Variants in EIF2B3 observed in about 807,000 individuals in gnomAD.
The protein encoded by EIF2B3 is translation initiation factor eIF2B subunit gamma.
A neutral mutation model predicts 54.1 loss-of-function variants in EIF2B3; 20 were observed. The ratio of observed to expected loss-of-function variants is 0.37; its 90% CI spans 0.26 to 0.54. EIF2B3 has a LOEUF of 0.54. EIF2B3 is among the 20% of genes least tolerant of loss of function. The pLI is 0.86. For synonymous variants in EIF2B3, 153 were observed against 188.1 expected (o/e 0.81, Z 1.52); for missense variants, 448 against 547.8 (o/e 0.82, Z 1.82).
chr1:44,964,803 TA>T (rs1481643232), intron 3 of EIF2B3, among the ~76,000 whole-genome samples: 1 of 152,148 alleles, frequency 6.6e-6, no homozygotes, highest in Non-Finnish European at 1.5e-5. Flanking sequence ...ATTTCTAAAT[TA>T]AAAGAAGCAA....
chr1:44,966,033 C>T (rs1354715017), intron 3 of EIF2B3, among the ~76,000 whole-genome samples: 2 of 152,158 alleles, frequency 1.3e-5, no homozygotes, highest in Non-Finnish European at 2.9e-5. Context: ...CAATCACTAA[C>T]TCTTCCATTA....
intron 3 of EIF2B3, among the ~76,000 whole-genome samples, chr1:44,943,851 G>A (rs182902336): frequency 2.1e-3 from 316 of 152,250 alleles, no homozygotes; most frequent in African/African-American, 7.4e-3. Context: ...TAGTGTTAAA[G>A]AAATATAGTT....
chr1:44,924,919 T>C (rs1379304017), intron 5 of EIF2B3: 1 of 152,208 alleles, frequency 6.6e-6, no homozygotes, highest in Admixed American at 6.5e-5. Context: ...ACAGCTGACA[T>C]TCTGATTCTT....
At chr1:44,923,799 C>CTCTT (rs143053060) in intron 5 of EIF2B3, among the ~76,000 whole-genome samples, 12 of 151,242 alleles carry the variant, frequency 7.9e-5, no homozygotes, top group African/African-American at 2.7e-4. Context: ...TTCTCTTTCT[C>CTCTT]TCTTTCTTTC....
In EIF2B3 at chr1:44,850,750, G is replaced by A. The variant is rs528195798; in HGVS notation, c.*201C>T. ...CCTGTCCCACACACTTGCTCCAGAT[G>A]ATCTTTACCACATGACACATGAACA... On this transcript the variant is annotated 3_prime_UTR_variant, in exon 12 of 12. Transcript: ENST00000360403. The A allele has an allele frequency of 1.1e-4, 70 of 615,756 alleles. 1 individual carries two copies. The South Asian group carries it at 1.3e-3, about 12-fold the overall frequency. The allele number at this position is 615,756 out of a possible 1,614,324, so 38.1% of individuals were successfully genotyped here. A position where few individuals can be genotyped will look rare whatever the true frequency, so the allele number is the denominator to read the frequency against.
intron 10 of EIF2B3, among the ~76,000 whole-genome samples, chr1:44,859,450 A>T (rs1654541325): frequency 6.6e-6 from 1 of 152,096 alleles, no homozygotes; most frequent in East Asian, 1.9e-4. Context: ...TGAGGTCAGG[A>T]GTTTGAGGCC....
At chr1:44,931,883 A>T (rs1159222571) in intron 4 of EIF2B3, among the ~76,000 whole-genome samples, 1 of 152,084 alleles carries the variant, frequency 6.6e-6, no homozygotes, top group Non-Finnish European at 1.5e-5. Flanking sequence ...TTGGGAGGCC[A>T]AGGCAGGTGG....
chr1:44,949,396 A>G (rs1167983747), intron 3 of EIF2B3, among the ~76,000 whole-genome samples: 6 of 152,220 alleles, frequency 3.9e-5, no homozygotes, highest in African/African-American at 2.4e-5. Context: ...TTTGAGCTCC[A>G]TAAGGAGCCC....
intron 10 of EIF2B3, among the ~76,000 whole-genome samples, chr1:44,859,401 A>C (rs1654539697): frequency 6.6e-6 from 1 of 152,172 alleles, no homozygotes; most frequent in South Asian, 2.1e-4. Flanking sequence ...TCATGCCTGT[A>C]ATCCTGGTAC....
chr1:44,986,235 G>A (rs1322437085), intron 1 of EIF2B3, among the ~76,000 whole-genome samples: 1 of 151,830 alleles, frequency 6.6e-6, no homozygotes, highest in East Asian at 1.9e-4. Flanking sequence ...CACCTCCTGG[G>A]TTCAAACGAT....
At chr1:44,915,322 T>C (rs1319657767) in intron 5 of EIF2B3, among the ~76,000 whole-genome samples, 1 of 152,016 alleles carries the variant, frequency 6.6e-6, no homozygotes, top group Non-Finnish European at 1.5e-5. Flanking sequence ...TTATTATTAT[T>C]ATTTTTTGAG....
At chr1:44,985,922 G>C (rs1644569473) in intron 1 of EIF2B3, among the ~76,000 whole-genome samples, 1 of 152,136 alleles carries the variant, frequency 6.6e-6, no homozygotes, top group African/African-American at 2.4e-5. Context: ...GTCATTCCAC[G>C]TGTGCTGCCT....
chr1:44,868,270 C>T (rs1573689478), intron 10 of EIF2B3, among the ~76,000 whole-genome samples: 1 of 151,686 alleles, frequency 6.6e-6, no homozygotes, highest in Non-Finnish European at 1.5e-5. Context: ...TGGTGGCGGG[C>T]ACCTGTAGTC....
chr1:44,958,736 T>G, intron 3 of EIF2B3: 1 of 1,580,714 alleles, frequency 6.3e-7, no homozygotes, highest in African/African-American at 1.3e-5. Flanking sequence ...GAAAGCTAGA[T>G]ATTGTCCGCA....
In EIF2B3 at chr1:44,881,906, CT is replaced by C. The variant is rs1411619839; in HGVS notation, c.657-168del. Among the ~76,000 whole-genome samples the C allele has an allele frequency of 3.9e-5, 6 of 152,306 alleles. No homozygotes were observed. The highest frequency in any genetic ancestry group is 2.0e-4 in the Admixed American group (3 of 15,304). ...CTTGGCAGTTCGGAGAAGCAGAGTGCTTCCTGGTGGGTACTGAGACAGGATG... is the reference window on the plus strand; with the variant it reads ...CTTGGCAGTTCGGAGAAGCAGAGTGCTCCTGGTGGGTACTGAGACAGGATG... On this transcript the variant is annotated intron_variant, in intron 6 of 11. Transcript: ENST00000360403. The surrounding 1 kb of genome is among the most constrained non-coding windows in gnomAD (Gnocchi z 4.0).
chr1:44,959,569 A>T (rs548194091), intron 3 of EIF2B3, among the ~76,000 whole-genome samples: 1 of 152,278 alleles, frequency 6.6e-6, no homozygotes, highest in East Asian at 1.9e-4. Context: ...AATTTAGCTA[A>T]CTTTACAGAA....
In EIF2B3 at chr1:44,978,621, CTT is replaced by C. The variant is rs57964686; in HGVS notation, c.149-163_149-162del. Among the ~76,000 whole-genome samples, 222 of 76,550 alleles carry C rather than the reference CTT, an allele frequency of 2.9e-3. 2 individuals are homozygous for C. Among genetic ancestry groups the C allele is most frequent in the African/African-American group, 5.4e-3 (83 of 15,298 alleles). The allele number at this position is 76,550 out of a possible 152,430, so 50.2% of individuals were successfully genotyped here. On this transcript the variant is annotated intron_variant, in intron 2 of 11. Coordinates refer to ENST00000360403, the MANE Select transcript of EIF2B3 (RefSeq NM_020365.5). ...TTTACCTGCATTCCCCCAATAAATT[CTT>C]TTTTTTTTTTTTTTTTTTTTTTTTT...
Position 44,962,203 on chromosome 1 carries a change from A to ATC in EIF2B3, c.294+16111_294+16112insGA, listed in dbSNP as rs1303672938. Reference sequence around the variant, plus strand: ...GCGAAACTCCGTCTCAATCATCATCAACATCATCATCATCATCATCATCAT... The same window carrying ATC: ...GCGAAACTCCGTCTCAATCATCATCATCACATCATCATCATCATCATCATCAT... On this transcript the variant is annotated intron_variant, in intron 3 of 11. Coordinates refer to ENST00000360403, the MANE Select transcript of EIF2B3 (RefSeq NM_020365.5). Among the ~76,000 whole-genome samples the ATC allele has an allele frequency of 5.7e-3, 671 of 118,380 alleles. 9 individuals carry two copies. The highest frequency in any genetic ancestry group is 0.019 in the African/African-American group (613 of 32,896). The allele number at this position is 118,380 out of a possible 152,430, so 77.7% of individuals were successfully genotyped here.
In EIF2B3 at chr1:44,969,126, T is replaced by C. The variant is rs568892240; in HGVS notation, c.294+9189A>G. ...ATCAACGGCTGCTAACATCACAAAA[T>C]GAAAGACAACCAGATAATCATGTAC... is the stretch of plus-strand genomic sequence containing the variant. On this transcript the variant is annotated intron_variant, in intron 3 of 11. Transcript: ENST00000360403. Among the ~76,000 whole-genome samples, 14 of 152,206 alleles carry C rather than the reference T, an allele frequency of 9.2e-5. No homozygotes were observed. The South Asian group carries it at 1.2e-3, about 14-fold the overall frequency.
Sources: allele counts gnomAD v4.1 joint callset (sites outside exome capture counted in the v4.1 genomes callset), GRCh38; gene constraint gnomAD v4.1.1; non-coding constraint Gnocchi (gnomAD v3.1); transcripts MANE v1.5; gene names NCBI Gene and HGNC (gene_info 2026-07-23, HGNC 2026-07-21).